The following CPNE6 variants were observed in gnomAD, a reference collection of about 807,000 sequenced individuals.
The protein encoded by CPNE6 is copine 6.
In CPNE6, 33 loss-of-function variants were observed where a neutral mutation model predicts 71.5. That is an observed-to-expected ratio of 0.46 (90% CI 0.35 to 0.62). CPNE6 has a LOEUF of 0.62. CPNE6 is among the 20% of genes least tolerant of loss of function. CPNE6 has a pLI of 0.00. For missense variants in CPNE6, 576 were observed against 747.3 expected (o/e 0.77, Z 2.67); for synonymous variants, 296 against 293.0 (o/e 1.01, Z -0.10).
Position 24,074,046 on chromosome 14 carries a change from C to G in CPNE6, c.349-5C>G. On this transcript the variant is annotated splice_region_variant and splice_polypyrimidine_tract_variant and intron_variant, in intron 4 of 17. Transcript: ENST00000397016. This position sits in a 1 kb window ranked among gnomAD's most constrained non-coding sequence, Gnocchi z 4.5. The stretch of plus-strand genomic sequence containing the variant: ...AGCTGGGTCTCCCTCCACCTCCATC[C>G]CCAGATTGTGTCACAAACCAAGGTC... The G allele has an allele frequency of 6.2e-7, 1 of 1,613,952 alleles. No individual in the cohort carries two copies.
chr14:24,076,083 G>A, intron 11 of CPNE6, 66 bp from the exon 11 acceptor site: 10 of 1,590,572 alleles, frequency 6.3e-6, no homozygotes, highest in Non-Finnish European at 8.6e-6. Context: ...ACAGATCCCA[G>A]CTCTGGCCTA....
Position 24,075,466 on chromosome 14 carries a change from G to C in CPNE6, c.778-39G>C. 2 of 1,582,428 alleles carry C rather than the reference G, an allele frequency of 1.3e-6. No individual in the cohort carries two copies. Among genetic ancestry groups the C allele is most frequent in the Non-Finnish European group, 1.7e-6 (2 of 1,157,234 alleles). ...TGGAAGGGAGAAAGAGGGGTCACCT[G>C]ATGGACTTGTGACCCTGAGCTTGTG... On this transcript the variant is annotated intron_variant, in intron 9 of 17. Coordinates refer to ENST00000397016, the Ensembl canonical transcript of CPNE6. This position sits in a 1 kb window ranked among gnomAD's most constrained non-coding sequence, Gnocchi z 4.3.
chr14:24,077,322 C>T lies in CPNE6; in HGVS notation c.1468C>T (p.Arg490Cys), dbSNP rs775520764. 1.1e-5 allele frequency: 17 copies of T among 1,613,834 alleles called. No individual in the cohort carries two copies. The highest frequency in any genetic ancestry group is 2.2e-5 in the East Asian group (1 of 44,878). ...GCTGGATGGCGACGACGGCCCCTTG[C>T]GCTGCCCCCGAGGGGTGCCTGCAGC... The change falls in exon 16 of 18, where the codon CGC becomes TGC. Residue 490 changes from arginine to cysteine, a missense_variant. Around this residue, in one of 4 missense-constraint regions of CPNE6, gnomAD observed 264 missense variants for 339.9 expected, o/e 0.78. Transcript: ENST00000397016. The surrounding 1 kb of genome is among the most constrained non-coding windows in gnomAD (Gnocchi z 6.1).
In CPNE6 at chr14:24,075,280, C is replaced by T. The variant is rs777609525; in HGVS notation, c.777+4C>T. The T allele has an allele frequency of 3.1e-6, 5 of 1,609,656 alleles. No individual in the cohort carries two copies. In the Admixed American group the frequency reaches 8.3e-5, roughly 27 times the overall value. The stretch of plus-strand genomic sequence containing the variant: ...GACGGCAAACCCTGGGCAGGAGGTG[C>T]CACAAATACCCCACCCCCAGAATCC... On this transcript the variant is annotated splice_donor_region_variant and intron_variant, in intron 9 of 17. Transcript: ENST00000397016. The surrounding 1 kb of genome is among the most constrained non-coding windows in gnomAD (Gnocchi z 4.3).
In CPNE6 at chr14:24,073,457, G is replaced by T; in HGVS notation, c.169-42G>T. On this transcript the variant is annotated intron_variant, in intron 3 of 17. Coordinates refer to ENST00000397016, the Ensembl canonical transcript of CPNE6. This position sits in a 1 kb window ranked among gnomAD's most constrained non-coding sequence, Gnocchi z 5.5. ...GTCCAGGACAGGGAAAAGTATCCTC[G>T]GTTCCCAGACAGCCCTCGCCTCCCT... The T allele has an allele frequency of 2.5e-6, 4 of 1,592,092 alleles. No individual in the cohort carries two copies. Among genetic ancestry groups the T allele is most frequent in the Non-Finnish European group, 3.4e-6 (4 of 1,168,232 alleles).
rs2036127228 is a variant in CPNE6, at chr14:24,077,454, C to G, written c.1536+64C>G. Reference sequence around the variant, plus strand: ...AGCTTCTCATCCCCCCAAATCTGACCTTCGTCTTCCACCATTTGATGTCCT... The same window carrying G: ...AGCTTCTCATCCCCCCAAATCTGACGTTCGTCTTCCACCATTTGATGTCCT... On this transcript the variant is annotated intron_variant, in intron 16 of 17. Transcript: ENST00000397016. This position sits in a 1 kb window ranked among gnomAD's most constrained non-coding sequence, Gnocchi z 6.1. 1 of 1,578,056 alleles carries G rather than the reference C, an allele frequency of 6.3e-7. No homozygotes were observed. Among genetic ancestry groups the G allele is most frequent in the African/African-American group, 1.3e-5 (1 of 74,074 alleles).
chr14:24,073,436 A>G lies in CPNE6; in HGVS notation c.169-63A>G. ...AGAGCTGGCATGACTAGGGCAGTCC[A>G]GGACAGGGAAAAGTATCCTCGGTTC... On this transcript the variant is annotated intron_variant, in intron 3 of 17. Coordinates refer to ENST00000397016, the Ensembl canonical transcript of CPNE6. This position sits in a 1 kb window ranked among gnomAD's most constrained non-coding sequence, Gnocchi z 5.5. The G allele has an allele frequency of 6.4e-7, 1 of 1,559,042 alleles. No individual in the cohort carries two copies. Among genetic ancestry groups the G allele is most frequent in the Non-Finnish European group, 8.7e-7 (1 of 1,146,778 alleles).
At chr14:24,072,854 C>T (rs2035942494) in intron 2 of CPNE6, 79 bp from the exon 2 acceptor site, 5 of 1,307,428 alleles carry the variant, frequency 3.8e-6, no homozygotes, top group Non-Finnish European at 4.9e-6. Flanking sequence ...GGGTGGGGCC[C>T]AGGGACCCTA....
intron 13 of CPNE6, 31 bp downstream of exon 12, chr14:24,076,445 G>A (rs749421324): frequency 4.3e-6 from 7 of 1,613,858 alleles, no homozygotes; most frequent in African/African-American, 2.7e-5. Context: ...AGAAGGAGAT[G>A]GGGGGCGTGT....
chr14:24,076,215 C>T (rs1428337598), exon 12 of CPNE6: 2 of 1,614,234 alleles, frequency 1.2e-6, no homozygotes, highest in East Asian at 2.2e-5. Flanking sequence ...CTGCCTCAGT[C>T]CCCGACAGCC....
chr14:24,072,942 G>A (rs143336129), exon 3 of CPNE6: 31 of 1,575,866 alleles, frequency 2.0e-5, no homozygotes, highest in African/African-American at 5.5e-5. Context: ...GTGACATGTC[G>A]GACCCTGAGA....
rs1233876209 is a variant in CPNE6 at position 24,077,584 on chromosome 14, C to T, written c.1537-9C>T. ...CTCACCCCTAACCACATCACTGTCC[C>T]CACCCTAGGCTGCCCCCTCTGCACT... is the stretch of plus-strand genomic sequence containing the variant. On this transcript the variant is annotated splice_polypyrimidine_tract_variant and intron_variant, in intron 16 of 17. Coordinates refer to ENST00000397016, the Ensembl canonical transcript of CPNE6. This position sits in a 1 kb window ranked among gnomAD's most constrained non-coding sequence, Gnocchi z 6.1. 1 of 1,577,610 alleles carries T rather than the reference C, an allele frequency of 6.3e-7. No individual in the cohort carries two copies. Among genetic ancestry groups the T allele is most frequent in the South Asian group, 1.2e-5 (1 of 84,628 alleles).
chr14:24,073,452 T>A lies in CPNE6; in HGVS notation c.169-47T>A. The A allele has an allele frequency of 6.3e-7, 1 of 1,585,450 alleles. No homozygotes were observed. On this transcript the variant is annotated intron_variant, in intron 3 of 17. Transcript: ENST00000397016. This position sits in a 1 kb window ranked among gnomAD's most constrained non-coding sequence, Gnocchi z 5.5. ...GGGCAGTCCAGGACAGGGAAAAGTA[T>A]CCTCGGTTCCCAGACAGCCCTCGCC...
Position 24,074,323 on chromosome 14 carries a change from C to T in CPNE6, c.456C>T (p.Asp152=), listed in dbSNP as rs772454761. Residue 152 remains aspartate (D), a synonymous_variant, in exon 6 of 18, where the codon GAC becomes GAT. Transcript: ENST00000397016. The surrounding 1 kb of genome is among the most constrained non-coding windows in gnomAD (Gnocchi z 4.5). ...CCGAGGAGGTATCAGGCACAAACGA[C>T]TATGTGCAACTCACCTTCAGAGCCT... 1.9e-6 allele frequency: 3 copies of T among 1,568,768 alleles called. No individual in the cohort carries two copies. Among genetic ancestry groups the T allele is most frequent in the South Asian group, 1.2e-5 (1 of 83,352 alleles).
rs757747996 is a variant in CPNE6 at position 24,075,232 on chromosome 14, A to G, written c.733A>G (p.Thr245Ala). The G allele has an allele frequency of 6.2e-7, 1 of 1,614,106 alleles. No homozygotes were observed. The change falls in exon 9 of 18, where the codon ACT becomes GCT. Residue 245 changes from threonine to alanine, a missense_variant. Thr to Ala is a moderately conservative substitution (Grantham distance 58). Coordinates refer to ENST00000397016, the Ensembl canonical transcript of CPNE6. The surrounding 1 kb of genome is among the most constrained non-coding windows in gnomAD (Gnocchi z 4.3). ...TGACTTCATCGGCGAGTTCACCAGC[A>G]CTTTCCAGGAGATGCAGGAAGGGAC...
rs773905953 is a variant in CPNE6 at position 24,076,688 on chromosome 14, C to A, written c.1165+131C>A. On this transcript the variant is annotated intron_variant, in intron 14 of 17. Coordinates refer to ENST00000397016, the Ensembl canonical transcript of CPNE6. ...CCAGGCCTGTCTTTATCAGGTGAGG[C>A]TTCCAGGGCCGAGGCCCAGCATCTG... 7 of 1,456,122 alleles carry A rather than the reference C, an allele frequency of 4.8e-6. No individual in the cohort carries two copies. In the African/African-American group the frequency reaches 7.0e-5, roughly 14 times the overall value. 90.2% of individuals were successfully genotyped at this position (1,456,122 alleles called of 1,614,324 possible).
exon 12 of CPNE6, chr14:24,076,172 C>T (rs752354218): frequency 6.2e-7 from 1 of 1,613,942 alleles, no homozygotes; most frequent in Non-Finnish European, 8.5e-7. Flanking sequence ...TCACCGCCTC[C>T]AATGGGGACC....
chr14:24,076,769 A>G, intron 14 of CPNE6, 110 bp from the exon 14 acceptor site: 1 of 1,523,690 alleles, frequency 6.6e-7, no homozygotes, highest in East Asian at 2.2e-5. Context: ...TAATGAAGGA[A>G]CTCGAGGGGA....
At chr14:24,076,959 A>C in exon 15 of CPNE6, 3 of 1,613,020 alleles carry the variant, frequency 1.9e-6, no homozygotes, top group Non-Finnish European at 2.5e-6. Flanking sequence ...GGCCCCCATC[A>C]TCAACCGTGT....
Sources: gnomAD v4.1 joint callset for allele counts on GRCh38, gnomAD v4.1.1 for gene constraint, gnomAD v4.1.1 regional missense constraint, Gnocchi (gnomAD v3.1) non-coding constraint, MANE v1.5 for transcripts, NCBI Gene and HGNC (gene_info 2026-07-23, HGNC 2026-07-21) for gene names.